The following MARCHF6 variants were observed in gnomAD, a reference collection of about 807,000 sequenced individuals.
MARCHF6 encodes the protein E3 ubiquitin-protein ligase MARCHF6.
Under a neutral mutation model 133.7 loss-of-function variants are expected in MARCHF6, and 31 were observed. The ratio of observed to expected loss-of-function variants is 0.23; its 90% CI spans 0.17 to 0.31. The LOEUF (loss-of-function observed/expected upper bound fraction) is 0.31. Ranked by LOEUF, MARCHF6 falls within the 10% of genes least tolerant of loss-of-function variation. The probability of loss-of-function intolerance (pLI) is 1.00; values close to 1 mark genes in which losing one functional copy is unlikely to be tolerated. For synonymous variants in MARCHF6, 395 were observed against 402.5 expected (o/e 0.98, Z 0.22); for missense variants, 723 against 1,121.6 (o/e 0.64, Z 5.08).
intron 1 of MARCHF6, among the ~76,000 whole-genome samples, chr5:10,367,240 A>T (rs1221650314): frequency 6.6e-6 from 1 of 152,232 alleles, no homozygotes; most frequent in Non-Finnish European, 1.5e-5. Flanking sequence ...CAGAAAAGGG[A>T]CGTTAGGTAA....
At position 10,382,047 on chromosome 5, in the gene MARCHF6, T is replaced by C. The variant is rs368249809; in HGVS notation, c.334+104T>C. The stretch of plus-strand genomic sequence containing the variant: ...TTATTATTTGACTGATGTTTAGTTA[T>C]TTGATGTCAGAGTGTCATGTATTAG... On this transcript the variant is annotated intron_variant, in intron 4 of 25. Coordinates refer to ENST00000274140, the MANE Select transcript of MARCHF6 (RefSeq NM_005885.4). 33 of 1,189,730 alleles carry C rather than the reference T, an allele frequency of 2.8e-5. No individual in the cohort carries two copies. In the African/African-American group the frequency reaches 4.5e-4, roughly 16 times the overall value. 73.7% of individuals were successfully genotyped at this position (1,189,730 alleles called of 1,614,324 possible).
At chr5:10,397,215 C>A in intron 9 of MARCHF6, 78 bp from the exon 10 acceptor site, 2 of 1,066,800 alleles carry the variant, frequency 1.9e-6, no homozygotes, top group East Asian at 2.6e-5. Flanking sequence ...TTGGCTCTAG[C>A]TAAATAAGTG....
intron 22 of MARCHF6, among the ~76,000 whole-genome samples, chr5:10,418,246 G>A (rs1369563118): frequency 6.6e-6 from 1 of 151,988 alleles, no homozygotes; most frequent in Non-Finnish European, 1.5e-5. Flanking sequence ...CAAGCGTGGT[G>A]GTGTGGGCAT....
intron 23 of MARCHF6, among the ~76,000 whole-genome samples, chr5:10,425,465 T>A (rs1458214343): frequency 6.6e-6 from 1 of 152,242 alleles, no homozygotes; most frequent in Non-Finnish European, 1.5e-5. Flanking sequence ...TTCTCTTGCG[T>A]ATGTGCGTGT....
At position 10,378,842 on chromosome 5, in the gene MARCHF6, T is replaced by G; in HGVS notation, c.190+10T>G. The G allele has an allele frequency of 6.3e-7, 1 of 1,593,100 alleles. No individual in the cohort carries two copies. Among genetic ancestry groups the G allele is most frequent in the Non-Finnish European group, 8.6e-7 (1 of 1,163,768 alleles). On this transcript the variant is annotated intron_variant, in intron 3 of 25. Coordinates refer to ENST00000274140, the MANE Select transcript of MARCHF6 (RefSeq NM_005885.4). ...TTTGCTTTTACACCAAGTAAGTTCT[T>G]TAGACATTTTCACTGCATTTTTTTT...
chr5:10,394,731 T>C, intron 8 of MARCHF6, 22 bp from the exon 9 acceptor site: 1 of 1,570,978 alleles, frequency 6.4e-7, no homozygotes, highest in Non-Finnish European at 8.7e-7. Flanking sequence ...AAATTAATGC[T>C]TATCGTTTTT....
intron 3 of MARCHF6, among the ~76,000 whole-genome samples, chr5:10,380,318 A>T (rs1369715033): frequency 6.6e-6 from 1 of 152,190 alleles, no homozygotes; most frequent in Admixed American, 6.5e-5. Context: ...CATCATAAAA[A>T]AGTCAATTCT....
intron 23 of MARCHF6, among the ~76,000 whole-genome samples, chr5:10,424,793 G>C (rs1212666222): frequency 6.6e-6 from 1 of 152,178 alleles, no homozygotes; most frequent in Non-Finnish European, 1.5e-5. Flanking sequence ...AGCTGTTTTG[G>C]CTTCATCTAG....
At chr5:10,353,971 C>T (rs1579503788) in intron 1 of MARCHF6, 54 bp downstream of exon 1, 8 of 1,517,112 alleles carry the variant, frequency 5.3e-6, no homozygotes, top group South Asian at 1.2e-5. Context: ...CGGGTTCGTA[C>T]CCCGGCCAGG....
In MARCHF6 at chr5:10,394,464, T is replaced by C. The variant is rs556547400; in HGVS notation, c.829-289T>C. On this transcript the variant is annotated intron_variant, in intron 8 of 25. Transcript: ENST00000274140. ...TTGACAAAATAATACAGTTTTATTA[T>C]GAAGTAATCTTAATTAGCTGTATAT... is the stretch of plus-strand genomic sequence containing the variant. Among the ~76,000 whole-genome samples, 4 of 152,226 alleles carry C rather than the reference T, an allele frequency of 2.6e-5. No homozygotes were observed. The East Asian group carries it at 7.7e-4, about 29-fold the overall frequency.
intron 1 of MARCHF6, among the ~76,000 whole-genome samples, chr5:10,375,392 C>T (rs924887348): frequency 1.1e-4 from 17 of 152,372 alleles, no homozygotes; most frequent in African/African-American, 2.4e-4. Flanking sequence ...GCTGCCTTCC[C>T]GCTGGGCAGG....
At chr5:10,356,282 TA>T (rs933778747) in intron 1 of MARCHF6, among the ~76,000 whole-genome samples, 23 of 151,072 alleles carry the variant, frequency 1.5e-4, no homozygotes, top group African/African-American at 2.4e-4. Context: ...AAAACTAAAT[TA>T]AAAAAAAATC....
At chr5:10,432,361 T>C (rs1049952155) in intron 25 of MARCHF6, among the ~76,000 whole-genome samples, 62 of 152,264 alleles carry the variant, frequency 4.1e-4, no homozygotes, top group Non-Finnish European at 6.5e-4. Flanking sequence ...CAGCCTGTCA[T>C]GTGCAGGTTT....
rs553865179 is a variant in MARCHF6, at chr5:10,377,509, C to G, written c.20-289C>G. ...TATTTTTATTATTTGTTGTGGAGAGCGCAGTTTTGAATAAAACCATCTGTT... is the reference window on the plus strand; with the variant it reads ...TATTTTTATTATTTGTTGTGGAGAGGGCAGTTTTGAATAAAACCATCTGTT... On this transcript the variant is annotated intron_variant, in intron 1 of 25. Coordinates refer to ENST00000274140, the MANE Select transcript of MARCHF6 (RefSeq NM_005885.4). Among the ~76,000 whole-genome samples, 37 of 152,242 alleles carry G rather than the reference C, an allele frequency of 2.4e-4. No individual in the cohort carries two copies. The South Asian group carries it at 5.6e-3, about 23-fold the overall frequency.
chr5:10,410,432 T>C (rs978949838), intron 18 of MARCHF6, among the ~76,000 whole-genome samples, 156 bp downstream of exon 18: 3 of 152,192 alleles, frequency 2.0e-5, no homozygotes, highest in African/African-American at 4.8e-5. Flanking sequence ...TACTTCTAAA[T>C]GAAATTTTTT....
chr5:10,388,252 T>G (rs934945155), intron 5 of MARCHF6, among the ~76,000 whole-genome samples: 45 of 152,286 alleles, frequency 3.0e-4, no homozygotes, highest in African/African-American at 1.1e-3. Context: ...CATGGCTTGG[T>G]TTTAGCTGTC....
intron 21 of MARCHF6, 113 bp from the exon 22 acceptor site, chr5:10,417,157 C>G: frequency 8.2e-7 from 1 of 1,224,812 alleles, no homozygotes; most frequent in Non-Finnish European, 1.1e-6. Flanking sequence ...CCCGTGGATA[C>G]TGAGGGATGA....
chr5:10,407,061 T>C (rs376901514), intron 16 of MARCHF6, 41 bp from the exon 17 acceptor site: 413 of 1,128,092 alleles, frequency 3.7e-4, no homozygotes, highest in Non-Finnish European at 5.0e-4. Context: ...ACAGGAGTGA[T>C]TGACTCTTAT....
intron 1 of MARCHF6, 41 bp downstream of exon 1, chr5:10,353,958 G>T (rs772544791): frequency 1.4e-5 from 22 of 1,529,420 alleles, no homozygotes; most frequent in Non-Finnish European, 1.7e-5. Context: ...TTGCGTCGGC[G>T]CCCGGGTTCG....
Sources: allele counts gnomAD v4.1 joint callset (sites outside exome capture counted in the v4.1 genomes callset), GRCh38; gene constraint gnomAD v4.1.1; transcripts MANE v1.5; gene names NCBI Gene and HGNC (gene_info 2026-07-23, HGNC 2026-07-21).